The following BZW2 variants were observed in gnomAD, a reference collection of about 807,000 sequenced individuals.
The protein encoded by BZW2 is eIF5-mimic protein 1.
In BZW2, 23 loss-of-function variants were observed where a neutral mutation model predicts 53.2. The ratio of observed to expected loss-of-function variants is 0.43; its 90% CI spans 0.31 to 0.61. The LOEUF (loss-of-function observed/expected upper bound fraction) is 0.61. Among genes scored for constraint, BZW2 ranks in the 20% least tolerant of loss-of-function variants. BZW2 has a pLI of 0.09. For synonymous variants in BZW2, 227 were observed against 186.4 expected (o/e 1.22, Z -1.77); for missense variants, 409 against 503.1 (o/e 0.81, Z 1.79).
rs1346753253 is a variant in BZW2, at chr7:16,685,945, C to A, written c.446C>A (p.Thr149Lys). Residue 149 changes from threonine to lysine, a missense_variant, in exon 6 of 12, where the codon ACA becomes AAA. This residue lies in a region of BZW2 where 316 missense variants were observed against 366.8 expected (regional missense o/e 0.86). Coordinates refer to ENST00000258761, the MANE Select transcript of BZW2 (RefSeq NM_014038.3). Reference sequence around the variant, plus strand: ...AAAGCCTTTTCCGAAACAGAGCAGACAAAGTTGGCGATGCTGTCGGGGATT... The same window carrying A: ...AAAGCCTTTTCCGAAACAGAGCAGAAAAAGTTGGCGATGCTGTCGGGGATT... Reference protein sequence around the residue: ...FLKAFSETEQTKLAMLSGILL... With the variant: ...FLKAFSETEQKKLAMLSGILL... 3 of 1,554,648 alleles carry A rather than the reference C, an allele frequency of 1.9e-6. No homozygotes were observed. The highest frequency in any genetic ancestry group is 2.0e-5 in the Admixed American group (1 of 50,574).
chr7:16,665,505 G>T lies in BZW2; in HGVS notation c.58+4G>T, dbSNP rs947404191. The T allele has an allele frequency of 6.2e-6, 10 of 1,611,368 alleles. No homozygotes were observed. Among genetic ancestry groups the T allele is most frequent in the Non-Finnish European group, 7.6e-6 (9 of 1,179,878 alleles). On this transcript the variant is annotated splice_donor_region_variant and intron_variant, in intron 2 of 11. Transcript: ENST00000258761. ...CGGTTCAAAACTCGGAAAAGGGGTA[G>T]GTTGTGTGTGTGTGTGTGTGTGTGT... is the stretch of plus-strand genomic sequence containing the variant.
chr7:16,705,032 G>A (rs1318815978), intron 11 of BZW2, among the ~76,000 whole-genome samples: 1 of 152,124 alleles, frequency 6.6e-6, no homozygotes, highest in East Asian at 1.9e-4. Flanking sequence ...TTAAATAATG[G>A]AAATATAAAG....
At chr7:16,682,628 T>C (rs574672706) in intron 4 of BZW2, 152 bp from the exon 5 acceptor site, 3 of 356,586 alleles carry the variant, frequency 8.4e-6, no homozygotes, top group East Asian at 4.1e-5. Context: ...ATAGCATCTT[T>C]GAAATGCTTA....
intron 8 of BZW2, among the ~76,000 whole-genome samples, chr7:16,696,643 A>T (rs949775306): frequency 3.3e-5 from 5 of 152,224 alleles, no homozygotes; most frequent in Non-Finnish European, 5.9e-5. Context: ...TTTCTCTATG[A>T]GGAAACAAAA....
Position 16,656,150 on chromosome 7 carries a change from T to TATATATATATATATATATATATATAC in BZW2, c.-7-9286_-7-9285insTATATATATATATATATATATATACA, listed in dbSNP as rs143994492. Among the ~76,000 whole-genome samples, 197 of 150,232 alleles carry TATATATATATATATATATATATATAC rather than the reference T, an allele frequency of 1.3e-3. 1 individual carries two copies. Among genetic ancestry groups the TATATATATATATATATATATATATAC allele is most frequent in the Middle Eastern group, 0.01 (3 of 288 alleles). The stretch of plus-strand genomic sequence containing the variant: ...ATATATAAATGACTATATATATATA[T>TATATATATATATATATATATATATAC]ACATAAATATTTTTTCCCAGTACAG... On this transcript the variant is annotated intron_variant, in intron 1 of 11. Transcript: ENST00000258761.
intron 2 of BZW2, among the ~76,000 whole-genome samples, chr7:16,668,811 A>G (rs1782513052): frequency 6.6e-6 from 1 of 152,216 alleles, no homozygotes; most frequent in African/African-American, 2.4e-5. Context: ...GGCAGGACAC[A>G]TTATATAATA....
intron 10 of BZW2, 105 bp from the exon 11 acceptor site, chr7:16,704,442 C>A: frequency 8.4e-7 from 1 of 1,191,824 alleles, no homozygotes; most frequent in South Asian, 2.3e-5. Context: ...TAACAGAATG[C>A]TTTATATTTA....
intron 1 of BZW2, among the ~76,000 whole-genome samples, chr7:16,664,952 C>T (rs1417918418): frequency 1.3e-5 from 2 of 152,096 alleles, no homozygotes; most frequent in African/African-American, 4.8e-5. Flanking sequence ...TGTCCTTTGC[C>T]AACACTGAGT....
In BZW2 at chr7:16,696,944, G is replaced by A. The variant is rs767576315; in HGVS notation, c.852G>A (p.Lys284=). The A allele has an allele frequency of 3.1e-6, 5 of 1,613,978 alleles. No individual in the cohort carries two copies. Among genetic ancestry groups the A allele is most frequent in the South Asian group, 2.2e-5 (2 of 91,074 alleles). ...TGCTTTATGTCAAAGAAGAAATGAA[G>A]AGGAATGATCTTCCAGAAACAGCAG... ...EVVLYVKEEM[K]RNDLPETAVI... The change falls in exon 9 of 12, where the codon AAG becomes AAA. Residue 284 remains lysine (K), a synonymous_variant. Coordinates refer to ENST00000258761, the MANE Select transcript of BZW2 (RefSeq NM_014038.3).
At chr7:16,694,809 T>C (rs1323931859) in intron 7 of BZW2, 25 bp from the exon 8 acceptor site, 33 of 1,497,554 alleles carry the variant, frequency 2.2e-5, no homozygotes, top group Non-Finnish European at 2.9e-5. Flanking sequence ...GCTTGTTTTA[T>C]AGCAGTCTTT....
intron 2 of BZW2, among the ~76,000 whole-genome samples, chr7:16,666,131 G>A (rs754291714): frequency 5.3e-5 from 8 of 151,982 alleles, no homozygotes; most frequent in Non-Finnish European, 1.0e-4. Flanking sequence ...GTCTTGCACT[G>A]TCACCCAGGT....
At chr7:16,660,113 G>A (rs146138235) in intron 1 of BZW2, among the ~76,000 whole-genome samples, 2,385 of 151,362 alleles carry the variant, frequency 0.016, 46 homozygotes, top group African/African-American at 0.053. Context: ...ATAGTTTGCT[G>A]AGAATGATGG....
chr7:16,654,010 G>A (rs751195110), intron 1 of BZW2, among the ~76,000 whole-genome samples: 1 of 149,436 alleles, frequency 6.7e-6, no homozygotes, highest in East Asian at 2.0e-4. Flanking sequence ...GCTTTGGGTG[G>A]CCAAGGTGGG....
intron 1 of BZW2, among the ~76,000 whole-genome samples, chr7:16,663,710 A>C (rs956314494): frequency 1.3e-5 from 2 of 152,148 alleles, no homozygotes; most frequent in Admixed American, 6.5e-5. Flanking sequence ...GTGAATATCT[A>C]AAAGCTTTGG....
intron 3 of BZW2, among the ~76,000 whole-genome samples, chr7:16,674,789 A>G (rs1425573271): frequency 1.3e-5 from 2 of 152,202 alleles, no homozygotes; most frequent in Non-Finnish European, 2.9e-5. Flanking sequence ...TAATAGAAGC[A>G]TAGAATGGAG....
intron 3 of BZW2, among the ~76,000 whole-genome samples, chr7:16,678,444 C>G (rs971388168): frequency 1.3e-5 from 2 of 152,132 alleles, no homozygotes; most frequent in African/African-American, 4.8e-5. Context: ...TTGAGAAAAA[C>G]AGCAGTCACT....
At chr7:16,675,595 G>C (rs982856373) in intron 3 of BZW2, among the ~76,000 whole-genome samples, 1 of 152,102 alleles carries the variant, frequency 6.6e-6, no homozygotes, top group Non-Finnish European at 1.5e-5. Context: ...TTGACTACTA[G>C]GCCTTCTGTC....
chr7:16,646,628 G>C (rs1781870481), intron 1 of BZW2, among the ~76,000 whole-genome samples: 1 of 152,226 alleles, frequency 6.6e-6, no homozygotes, highest in South Asian at 2.1e-4. Flanking sequence ...CTCCCGGGGA[G>C]GCTGGGGCCG....
At chr7:16,665,165 G>A (rs1242746852) in intron 1 of BZW2, among the ~76,000 whole-genome samples, 7 of 151,994 alleles carry the variant, frequency 4.6e-5, no homozygotes, top group Admixed American at 3.9e-4. Flanking sequence ...AATTAGCTGG[G>A]CGTGGTGGCT....
Sources: gnomAD v4.1 joint callset for allele counts (sites outside exome capture counted in the v4.1 genomes callset) on GRCh38, gnomAD v4.1.1 for gene constraint, gnomAD v4.1.1 regional missense constraint, MANE v1.5 for transcripts, NCBI Gene and HGNC (gene_info 2026-07-23, HGNC 2026-07-21) for gene names.